SV2C: variants seen among roughly 807,000 people sequenced by gnomAD.
SV2C encodes the protein solute carrier family 22 member B3.
SV2C carries 49 observed loss-of-function variants against 79.7 expected under a neutral mutation model. The observed-to-expected ratio is 0.61, with a 90% CI of 0.49 to 0.78. The LOEUF (loss-of-function observed/expected upper bound fraction) is 0.78. Ranked by LOEUF, SV2C falls within the 30% of genes least tolerant of loss-of-function variation. SV2C has a pLI of 0.00. For synonymous variants in SV2C, 334 were observed against 333.2 expected (o/e 1.00, Z -0.03); for missense variants, 833 against 912.9 (o/e 0.91, Z 1.13).
At chr5:76,316,131 G>A (rs970701398) in intron 12 of SV2C, among the ~76,000 whole-genome samples, 4 of 151,960 alleles carry the variant, frequency 2.6e-5, no homozygotes, top group Non-Finnish European at 2.9e-5. Flanking sequence ...TGAAAAAAAA[G>A]CAGAAAGCAA....
the SV2C span, among the ~76,000 whole-genome samples, chr5:75,997,907 C>T: frequency 9.9e-5 from 15 of 152,074 alleles, no homozygotes; most frequent in East Asian, 2.9e-3. Flanking sequence ...TTTATTGTGG[C>T]ACTATTCACA....
At chr5:76,099,366 G>A (rs927571951) in intron 1 of SV2C, among the ~76,000 whole-genome samples, 3 of 26,744 alleles carry the variant, frequency 1.1e-4, no homozygotes. Context: ...TCTTTTGCTC[G>A]TGTGTGTGTG....
intron 4 of SV2C, among the ~76,000 whole-genome samples, chr5:76,243,484 A>G (rs1745858049): frequency 6.6e-6 from 1 of 152,114 alleles, no homozygotes; most frequent in African/African-American, 2.4e-5. Flanking sequence ...GACTGGGAAG[A>G]GAGATTTTTT....
At chr5:75,900,979 C>T in the SV2C span, among the ~76,000 whole-genome samples, 1 of 152,178 alleles carries the variant, frequency 6.6e-6, no homozygotes, top group African/African-American at 2.4e-5. Context: ...TCTAGTTATA[C>T]ATTTGTCTAA....
At chr5:76,335,708 G>T (rs574201268), downstream of SV2C, among the ~76,000 whole-genome samples, 1 of 152,282 alleles carries the variant, frequency 6.6e-6, no homozygotes, top group South Asian at 2.1e-4. Context: ...AGTGGACACA[G>T]CACATGTTTC....
chr5:75,985,355 G>A, the SV2C span, among the ~76,000 whole-genome samples: 1 of 151,770 alleles, frequency 6.6e-6, no homozygotes, highest in Non-Finnish European at 1.5e-5. Flanking sequence ...GCTGCATTGG[G>A]GATCAAATTT....
chr5:76,274,463 G>GTA (rs1019607049), intron 4 of SV2C, among the ~76,000 whole-genome samples: 29 of 152,060 alleles, frequency 1.9e-4, no homozygotes, highest in African/African-American at 4.1e-4. Flanking sequence ...TATGTTTTAT[G>GTA]TATATATATA....
At chr5:76,206,061 G>A (rs1030350840) in intron 3 of SV2C, among the ~76,000 whole-genome samples, 2 of 150,680 alleles carry the variant, frequency 1.3e-5, no homozygotes, top group Admixed American at 1.3e-4. Context: ...TTGTATCTTA[G>A]TGTAATAAAC....
the SV2C span, among the ~76,000 whole-genome samples, chr5:75,986,821 T>G: frequency 6.6e-6 from 1 of 151,972 alleles, no homozygotes; most frequent in Non-Finnish European, 1.5e-5. Context: ...TTCAAGGATG[T>G]TTGTATAGTC....
chr5:76,313,586 C>T (rs2112548356), intron 12 of SV2C, among the ~76,000 whole-genome samples: 1 of 152,242 alleles, frequency 6.6e-6, no homozygotes, highest in East Asian at 1.9e-4. Flanking sequence ...TCCTTGGGTA[C>T]TGAGCAAGCC....
At chr5:76,073,501 G>GTATATATATA in the SV2C span, among the ~76,000 whole-genome samples, 4 of 87,228 alleles carry the variant, frequency 4.6e-5, no homozygotes, top group Admixed American at 1.3e-4. Flanking sequence ...ATGTATGTGT[G>GTATATATATA]TGTATATATA....
At chr5:76,093,996 C>T (rs1267892145) in intron 1 of SV2C, among the ~76,000 whole-genome samples, 3 of 152,132 alleles carry the variant, frequency 2.0e-5, no homozygotes, top group East Asian at 3.9e-4. Flanking sequence ...ACCTGTAGTC[C>T]CTGCTACTTG....
At chr5:75,928,756 G>A in the SV2C span, among the ~76,000 whole-genome samples, 4 of 152,006 alleles carry the variant, frequency 2.6e-5, no homozygotes, top group African/African-American at 9.7e-5. Context: ...TTTGGTTTAA[G>A]GAAGCTTGGA....
chr5:76,276,082 G>A (rs548083402), intron 4 of SV2C, among the ~76,000 whole-genome samples: 16 of 152,182 alleles, frequency 1.1e-4, no homozygotes, highest in African/African-American at 2.9e-4. Context: ...TTTATTCCAC[G>A]TTGCTGTCTC....
At chr5:76,190,909 T>G (rs1744079786) in intron 2 of SV2C, among the ~76,000 whole-genome samples, 1 of 152,326 alleles carries the variant, frequency 6.6e-6, no homozygotes. Flanking sequence ...ACTCAAAAAT[T>G]TTGTTTTAAC....
intron 3 of SV2C, among the ~76,000 whole-genome samples, chr5:76,197,860 C>T (rs1022302602): frequency 6.6e-6 from 1 of 152,088 alleles, no homozygotes; most frequent in Non-Finnish European, 1.5e-5. Flanking sequence ...AGTTTGAAGG[C>T]CTCAGAACCA....
chr5:76,161,431 C>G (rs1270041940), intron 2 of SV2C, among the ~76,000 whole-genome samples: 1 of 152,140 alleles, frequency 6.6e-6, no homozygotes, highest in Non-Finnish European at 1.5e-5. Flanking sequence ...GTTTTCTTCT[C>G]TCTCTGTCAC....
chr5:76,053,595 A>G, the SV2C span, among the ~76,000 whole-genome samples: 1 of 152,202 alleles, frequency 6.6e-6, no homozygotes, highest in Non-Finnish European at 1.5e-5. Flanking sequence ...AAGAAAAAAA[A>G]GATTCTATCA....
chr5:75,967,434 G>A, the SV2C span, among the ~76,000 whole-genome samples: 1 of 152,234 alleles, frequency 6.6e-6, no homozygotes, highest in Non-Finnish European at 1.5e-5. Context: ...AAAGAAGGGG[G>A]TGATGGACGG....
Sources: allele counts gnomAD v4.1 joint callset (sites outside exome capture counted in the v4.1 genomes callset), GRCh38; gene constraint gnomAD v4.1.1; transcripts MANE v1.5; gene names NCBI Gene and HGNC (gene_info 2026-07-23, HGNC 2026-07-21).